CECR2: variants seen among roughly 807,000 people sequenced by gnomAD.
CECR2 encodes CECR2 histone acetyl-lysine reader, also known as chromatin remodeling regulator CECR2.
In CECR2, 30 loss-of-function variants were observed where a neutral mutation model predicts 154.5. The ratio of observed to expected loss-of-function variants is 0.19; its 90% CI spans 0.15 to 0.26. CECR2 has a LOEUF of 0.26. Ranked by LOEUF, CECR2 falls within the 10% of genes least tolerant of loss-of-function variation. CECR2 has a pLI of 1.00. For synonymous variants in CECR2, 725 were observed against 683.7 expected (o/e 1.06, Z -0.94); for missense variants, 1,743 against 1,829.3 (o/e 0.95, Z 0.86).
chr22:17,404,474 C>T (rs2053950506), intron 1 of CECR2, among the ~76,000 whole-genome samples: 1 of 132,166 alleles, frequency 7.6e-6, no homozygotes, highest in Non-Finnish European at 1.6e-5. Flanking sequence ...CTCGGGTTCA[C>T]GCCATTCTCC....
chr22:17,492,809 A>G (rs10483094), intron 2 of CECR2, among the ~76,000 whole-genome samples: 21,094 of 152,166 alleles, frequency 0.14, 1,617 homozygotes, highest in Non-Finnish European at 0.18. Flanking sequence ...AATGATGAGA[A>G]TTACTAAGTC....
At chr22:17,504,458 A>C (rs2055797995) in intron 6 of CECR2, among the ~76,000 whole-genome samples, 1 of 137,378 alleles carries the variant, frequency 7.3e-6, no homozygotes, top group Non-Finnish European at 1.7e-5. Context: ...TTTATTTGAG[A>C]CGGAGTCTCA....
intron 2 of CECR2, among the ~76,000 whole-genome samples, chr22:17,483,660 A>T (rs936264010): frequency 1.3e-5 from 2 of 152,370 alleles, no homozygotes; most frequent in African/African-American, 4.8e-5. Flanking sequence ...ATTACAAAAG[A>T]ATCAAAAAGT....
At chr22:17,508,366 G>C (rs538047948) in intron 7 of CECR2, among the ~76,000 whole-genome samples, 46 of 152,160 alleles carry the variant, frequency 3.0e-4, no homozygotes, top group Non-Finnish European at 5.3e-4. Context: ...TTCATGATAA[G>C]TGCCCTATCT....
At position 17,380,596 on chromosome 22, in the gene CECR2, G is replaced by A. The variant is rs568952652; in HGVS notation, c.126+10687G>A. ...AGGCATGTGGCCACCTGAATTGAAT[G>A]TGTGAGTGGCTGTCAGAACAGACTG... On this transcript the variant is annotated intron_variant, in intron 1 of 18. Coordinates refer to ENST00000262608, the MANE Select transcript of CECR2 (RefSeq NM_001290047.2). Among the ~76,000 whole-genome samples the A allele has an allele frequency of 5.3e-5, 8 of 152,282 alleles. No homozygotes were observed. The South Asian group carries it at 1.5e-3, about 28-fold the overall frequency.
At chr22:17,445,526 C>A (rs2054645149) in intron 1 of CECR2, among the ~76,000 whole-genome samples, 3 of 148,594 alleles carry the variant, frequency 2.0e-5, no homozygotes, top group Admixed American at 6.8e-5. Flanking sequence ...ATAACCTATG[C>A]ACATTCTGCT....
chr22:17,475,016 G>A (rs1363677191), intron 1 of CECR2, among the ~76,000 whole-genome samples: 3 of 151,996 alleles, frequency 2.0e-5, no homozygotes, highest in Non-Finnish European at 2.9e-5. Context: ...CTTTAATCAC[G>A]ATCCGATTGT....
chr22:17,467,991 A>G (rs2055062616), intron 1 of CECR2, among the ~76,000 whole-genome samples: 1 of 152,154 alleles, frequency 6.6e-6, no homozygotes, highest in South Asian at 2.1e-4. Flanking sequence ...TTCCTAGAAG[A>G]CAGTCATTAG....
chr22:17,523,319 G>T (rs1351553559), intron 8 of CECR2, among the ~76,000 whole-genome samples: 2 of 151,086 alleles, frequency 1.3e-5, no homozygotes, highest in African/African-American at 2.4e-5. Flanking sequence ...GGAGGCAGAG[G>T]TTGTAGTGAG....
intron 1 of CECR2, among the ~76,000 whole-genome samples, chr22:17,439,292 T>C (rs1043332044): frequency 1.3e-5 from 2 of 152,038 alleles, no homozygotes; most frequent in African/African-American, 4.8e-5. Context: ...CCAAATTTAC[T>C]ACAAAAATGA....
chr22:17,519,904 C>T (rs1399421970), intron 8 of CECR2, among the ~76,000 whole-genome samples: 1 of 151,852 alleles, frequency 6.6e-6, no homozygotes, highest in Admixed American at 6.6e-5. Flanking sequence ...GATTTTCCTG[C>T]CTCAGCCCCC....
In CECR2 at chr22:17,504,990, G is replaced by C; in HGVS notation, c.844G>C (p.Glu282Gln). ...GCTCCTCAGTGAGGACTTCCTGCCT[G>C]AGATCTGCAACATGATCGCCCAGAA... ...YKLLSEDFLP[E>Q]ICNMIAQKGK... The change falls in exon 7 of 19, where the codon GAG becomes CAG. Residue 282 changes from glutamate (E) to glutamine (Q), a missense_variant. This residue lies in a region of CECR2 where 292 missense variants were observed against 301.2 expected (regional missense o/e 0.97). Coordinates refer to ENST00000262608, the MANE Select transcript of CECR2 (RefSeq NM_001290047.2). 1 of 1,613,610 alleles carries C rather than the reference G, an allele frequency of 6.2e-7. No individual in the cohort carries two copies. Among genetic ancestry groups the C allele is most frequent in the Non-Finnish European group, 8.5e-7 (1 of 1,179,832 alleles).
rs373779406 is a variant in CECR2, at chr22:17,490,566, C to G, written c.222-6837C>G. Among the ~76,000 whole-genome samples, 9 of 152,202 alleles carry G rather than the reference C, an allele frequency of 5.9e-5. No individual in the cohort carries two copies. In the East Asian group the frequency reaches 9.7e-4, roughly 16 times the overall value. On this transcript the variant is annotated intron_variant, in intron 2 of 18. Transcript: ENST00000262608. ...TCTCCTGCATCAGCCTCCCGAGTAG[C>G]TGGGATTACAGGTGCATGCCACCAC...
chr22:17,395,778 T>C (rs1303199496), intron 1 of CECR2, among the ~76,000 whole-genome samples: 4 of 152,190 alleles, frequency 2.6e-5, no homozygotes, highest in African/African-American at 7.2e-5. Context: ...CAGATTTTTT[T>C]CCCTTATCAC....
chr22:17,361,777 T>G (rs1422407712), intron 1 of CECR2, among the ~76,000 whole-genome samples: 1 of 150,914 alleles, frequency 6.6e-6, no homozygotes, highest in Non-Finnish European at 1.5e-5. Flanking sequence ...AGAGAGTGAC[T>G]GGTGTTTTCT....
At chr22:17,498,911 G>C (rs772162415) in intron 3 of CECR2, among the ~76,000 whole-genome samples, 1 of 152,076 alleles carries the variant, frequency 6.6e-6, no homozygotes, top group Non-Finnish European at 1.5e-5. Flanking sequence ...CTCAAAGTAG[G>C]TACCACCTTC....
At chr22:17,437,880 A>G (rs1035412775) in intron 1 of CECR2, among the ~76,000 whole-genome samples, 6 of 152,320 alleles carry the variant, frequency 3.9e-5, no homozygotes, top group Non-Finnish European at 5.9e-5. Context: ...ATGTTAACCA[A>G]TGTTGACCAT....
At chr22:17,361,355 G>A (rs572757271) in intron 1 of CECR2, among the ~76,000 whole-genome samples, 1 of 151,868 alleles carries the variant, frequency 6.6e-6, no homozygotes, top group East Asian at 1.9e-4. Flanking sequence ...GGCTGGTGGC[G>A]GACACCTGTA....
At chr22:17,417,779 C>T (rs772513972) in intron 1 of CECR2, among the ~76,000 whole-genome samples, 39 of 151,920 alleles carry the variant, frequency 2.6e-4, no homozygotes, top group African/African-American at 8.7e-4. Context: ...CCACCATGCC[C>T]GGCTAATTTT....
Sources: gnomAD v4.1 joint callset for allele counts (sites outside exome capture counted in the v4.1 genomes callset) on GRCh38, gnomAD v4.1.1 for gene constraint, gnomAD v4.1.1 regional missense constraint, MANE v1.5 for transcripts, NCBI Gene and HGNC (gene_info 2026-07-23, HGNC 2026-07-21) for gene names.